Variants in ANKRD13D observed in about 807,000 individuals in gnomAD.
The protein encoded by ANKRD13D is ankyrin repeat domain-containing protein 13D.
Under a neutral mutation model 68.8 loss-of-function variants are expected in ANKRD13D, and 24 were observed. The observed-to-expected ratio is 0.35, with a 90% CI of 0.25 to 0.49. The LOEUF (loss-of-function observed/expected upper bound fraction) is 0.49. Among genes scored for constraint, ANKRD13D ranks in the 20% least tolerant of loss-of-function variants. The pLI, the probability that ANKRD13D is intolerant of heterozygous loss-of-function variation, is 0.99. For synonymous variants in ANKRD13D, 331 were observed against 336.1 expected, an observed-to-expected ratio of 0.98 and a Z score of 0.16; for missense variants, 735 against 832.1, an observed-to-expected ratio of 0.88 and a Z score of 1.44.
rs1294957907 is a variant in ANKRD13D, at chr11:67,299,407, T to TCCATTTTGGG, written c.799-122_799-113dup. 8 of 875,078 alleles carry TCCATTTTGGG rather than the reference T, an allele frequency of 9.1e-6. No individual in the cohort carries two copies. Among genetic ancestry groups the TCCATTTTGGG allele is most frequent in the Admixed American group, 2.6e-5 (1 of 38,662 alleles). The allele number at this position is 875,078 out of a possible 1,614,324, so 54.2% of individuals were successfully genotyped here. A position where few individuals can be genotyped will look rare whatever the true frequency, so the allele number is the denominator to read the frequency against. On this transcript the variant is annotated intron_variant, in intron 7 of 14. Coordinates refer to ENST00000511455, the MANE Select transcript of ANKRD13D (RefSeq NM_207354.3). This position sits in a 1 kb window ranked among gnomAD's most constrained non-coding sequence, Gnocchi z 6.2. ...CTGGGGTTCAGACCCTGCCACCTCC[T>TCCATTTTGGG]CCATTTTGGGGAGCAAGATCTCATC...
intron 3 of ANKRD13D, 23 bp downstream of exon 3, chr11:67,290,469 A>G (rs1412153365): frequency 6.4e-7 from 1 of 1,552,860 alleles, no homozygotes; most frequent in East Asian, 2.4e-5. Flanking sequence ...ACAGTTATGG[A>G]GGTGGGGTAC....
Position 67,300,939 on chromosome 11 carries a change from T to C in ANKRD13D, c.1074-51T>C. 2 of 1,603,762 alleles carry C rather than the reference T, an allele frequency of 1.2e-6. No individual in the cohort carries two copies. Among genetic ancestry groups the C allele is most frequent in the South Asian group, 1.1e-5 (1 of 89,942 alleles). On this transcript the variant is annotated intron_variant, in intron 10 of 14. Coordinates refer to ENST00000511455, the MANE Select transcript of ANKRD13D (RefSeq NM_207354.3). The surrounding 1 kb of genome is among the most constrained non-coding windows in gnomAD (Gnocchi z 4.3). ...CCACGAACCAGAGGGCAGTCCTCAA[T>C]GGAAGGGCCACCAGCCGTGCCTCAC... is the stretch of plus-strand genomic sequence containing the variant.
intron 6 of ANKRD13D, among the ~76,000 whole-genome samples, chr11:67,295,620 C>T (rs1271023262): frequency 1.3e-5 from 2 of 151,928 alleles, no homozygotes; most frequent in African/African-American, 2.4e-5. Flanking sequence ...CCTGTAGTCC[C>T]AGCTGCTTGG....
chr11:67,301,383 G>A lies in ANKRD13D; in HGVS notation c.1333G>A (p.Ala445Thr). 6.2e-7 allele frequency: 1 copy of A among 1,612,350 alleles called. No homozygotes were observed. The highest frequency in any genetic ancestry group is 8.5e-7 in the Non-Finnish European group (1 of 1,179,246). Residue 445 changes from alanine to threonine, a missense_variant, in exon 12 of 15, where the codon GCT becomes ACT. Physicochemically the swap from Ala to Thr is moderately conservative, Grantham distance 58. Transcript: ENST00000511455. This position sits in a 1 kb window ranked among gnomAD's most constrained non-coding sequence, Gnocchi z 4.5. Reference sequence around the variant, plus strand: ...CGTGTGGGTGCCGGCCCCCAGCTCTGCTGTTGCCGCATCAGGTACCCCAAC... The same window carrying A: ...CGTGTGGGTGCCGGCCCCCAGCTCTACTGTTGCCGCATCAGGTACCCCAAC... ...SSVWVPAPSSAVAASGNPFPC... is the reference protein window; with the variant it reads ...SSVWVPAPSSTVAASGNPFPC...
rs1000210030 is a variant in ANKRD13D at position 67,290,219 on chromosome 11, G to T, written c.226+6G>T. ...GAACCGCCAGGGCTGGGCAGGTACT[G>T]CAGAGGACAAGGGGCTCCCCCTGAG... On this transcript the variant is annotated splice_donor_region_variant and intron_variant, in intron 2 of 14. Coordinates refer to ENST00000511455, the MANE Select transcript of ANKRD13D (RefSeq NM_207354.3). The T allele has an allele frequency of 6.5e-6, 10 of 1,540,960 alleles. No homozygotes were observed. The African/African-American group carries it at 1.4e-4, about 21-fold the overall frequency.
rs763617829 is a variant in ANKRD13D, at chr11:67,299,503, CA to C, written c.799-26del. The C allele has an allele frequency of 6.5e-7, 1 of 1,544,148 alleles. No individual in the cohort carries two copies. Among genetic ancestry groups the C allele is most frequent in the South Asian group, 1.2e-5 (1 of 83,764 alleles). ...GTGTGGGGAGCAGGCTCTGAGCCCC[CA>C]GCTCCCCGTGTCCCCTGCTCCCCAG... On this transcript the variant is annotated intron_variant, in intron 7 of 14. Coordinates refer to ENST00000511455, the MANE Select transcript of ANKRD13D (RefSeq NM_207354.3). This position sits in a 1 kb window ranked among gnomAD's most constrained non-coding sequence, Gnocchi z 6.2.
At chr11:67,295,394 G>A (rs1860721375) in intron 6 of ANKRD13D, among the ~76,000 whole-genome samples, 1 of 151,538 alleles carries the variant, frequency 6.6e-6, no homozygotes, top group Non-Finnish European at 1.5e-5. Context: ...TCCAGCCTGG[G>A]CGACAGACCA....
In ANKRD13D at chr11:67,300,291, G is replaced by C; in HGVS notation, c.1073+168G>C. On this transcript the variant is annotated intron_variant, in intron 10 of 14. Coordinates refer to ENST00000511455, the MANE Select transcript of ANKRD13D (RefSeq NM_207354.3). This position sits in a 1 kb window ranked among gnomAD's most constrained non-coding sequence, Gnocchi z 4.3. Reference sequence around the variant, plus strand: ...CCTTATCCATGGTCCTCAGCCCTTAGCAAGGGGCTTGGCACAGAAAACCGG... The same window carrying C: ...CCTTATCCATGGTCCTCAGCCCTTACCAAGGGGCTTGGCACAGAAAACCGG... 1 of 948,278 alleles carries C rather than the reference G, an allele frequency of 1.1e-6. No homozygotes were observed. Among genetic ancestry groups the C allele is most frequent in the Non-Finnish European group, 1.5e-6 (1 of 660,384 alleles). 58.7% of individuals were successfully genotyped at this position (948,278 alleles called of 1,614,324 possible).
chr11:67,299,292 C>A lies in ANKRD13D; in HGVS notation c.798+168C>A. 1 of 801,228 alleles carries A rather than the reference C, an allele frequency of 1.2e-6. No individual in the cohort carries two copies. Among genetic ancestry groups the A allele is most frequent in the Non-Finnish European group, 2.0e-6 (1 of 499,586 alleles). 49.6% of individuals were successfully genotyped at this position (801,228 alleles called of 1,614,324 possible). A position where few individuals can be genotyped will look rare whatever the true frequency, so the allele number is the denominator to read the frequency against. ...CCCTGCGGAGTACACAGGGCTCACCCACATCATGGGCCCCTACCCAGGGTA... is the reference window on the plus strand; with the variant it reads ...CCCTGCGGAGTACACAGGGCTCACCAACATCATGGGCCCCTACCCAGGGTA... On this transcript the variant is annotated intron_variant, in intron 7 of 14. Coordinates refer to ENST00000511455, the MANE Select transcript of ANKRD13D (RefSeq NM_207354.3). This position sits in a 1 kb window ranked among gnomAD's most constrained non-coding sequence, Gnocchi z 6.2.
At position 67,294,749 on chromosome 11, in the gene ANKRD13D, C is replaced by T. The variant is rs1860699588; in HGVS notation, c.731+2569C>T. Among the ~76,000 whole-genome samples, 3 of 152,074 alleles carry T rather than the reference C, an allele frequency of 2.0e-5. No individual in the cohort carries two copies. The South Asian group carries it at 6.2e-4, about 32-fold the overall frequency. On this transcript the variant is annotated intron_variant, in intron 6 of 14. Coordinates refer to ENST00000511455, the MANE Select transcript of ANKRD13D (RefSeq NM_207354.3). Reference sequence around the variant, plus strand: ...GAGACAGGATTTCACCATGTCGGACCAGGCTGGTCTCCAACTCCTGACCTT... The same window carrying T: ...GAGACAGGATTTCACCATGTCGGACTAGGCTGGTCTCCAACTCCTGACCTT...
chr11:67,297,403 C>T (rs1221292407), intron 6 of ANKRD13D, among the ~76,000 whole-genome samples: 6 of 152,192 alleles, frequency 3.9e-5, no homozygotes, highest in Non-Finnish European at 8.8e-5. Context: ...CCATGTTGCA[C>T]AGGCTGGTCT....
rs1860983710 is a variant in ANKRD13D at position 67,301,418 on chromosome 11, A to T, written c.1348+20A>T. 1.9e-6 allele frequency: 3 copies of T among 1,608,722 alleles called. No homozygotes were observed. Among genetic ancestry groups the T allele is most frequent in the Middle Eastern group, 1.7e-4 (1 of 6,042 alleles). On this transcript the variant is annotated intron_variant, in intron 12 of 14. Transcript: ENST00000511455. This position sits in a 1 kb window ranked among gnomAD's most constrained non-coding sequence, Gnocchi z 4.5. ...CATCAGGTACCCCAACGGGAGGAAG[A>T]GGGAGCCTGCACAGCTTTCTGGTCA... is the stretch of plus-strand genomic sequence containing the variant.
At position 67,302,246 on chromosome 11, in the gene ANKRD13D, C is replaced by T. The variant is rs779499847; in HGVS notation, c.1732C>T (p.Arg578Trp). ...GCGCCTGGCCCTGGAGTTGTCTTCA[C>T]GGGAGCAGGAGGAGCGGGAGCGGCG... ...QLRLALELSS[R>W]EQEERERRGQ... The change falls in exon 15 of 15, where the codon CGG becomes TGG. Residue 578 changes from arginine (R) to tryptophan (W), a missense_variant. Physicochemically the swap from Arg to Trp is moderately radical, Grantham distance 101. Transcript: ENST00000511455. 8.8e-5 allele frequency: 138 copies of T among 1,574,082 alleles called. No homozygotes were observed. The highest frequency in any genetic ancestry group is 1.1e-4 in the Non-Finnish European group (131 of 1,159,582).
rs1362284260 is a variant in ANKRD13D, at chr11:67,290,457, G to A, written c.351+11G>A. On this transcript the variant is annotated intron_variant, in intron 3 of 14. Transcript: ENST00000511455. ...AACAAACTTCGCCAGGTACAGCAGG[G>A]CACAGTTATGGAGGTGGGGTACCAT... The A allele has an allele frequency of 1.3e-6, 2 of 1,567,106 alleles. No individual in the cohort carries two copies. Among genetic ancestry groups the A allele is most frequent in the African/African-American group, 1.3e-5 (1 of 74,220 alleles).
At chr11:67,291,179 GA>G (rs1860524495) in intron 3 of ANKRD13D, 1 of 369,644 alleles carries the variant, frequency 2.7e-6, no homozygotes, top group African/African-American at 2.1e-5. Context: ...GCAACATGGT[GA>G]AAGCCGTCTC....
Position 67,301,424 on chromosome 11 carries a change from C to A in ANKRD13D, c.1348+26C>A. On this transcript the variant is annotated intron_variant, in intron 12 of 14. Coordinates refer to ENST00000511455, the MANE Select transcript of ANKRD13D (RefSeq NM_207354.3). The surrounding 1 kb of genome is among the most constrained non-coding windows in gnomAD (Gnocchi z 4.5). ...GTACCCCAACGGGAGGAAGAGGGAG[C>A]CTGCACAGCTTTCTGGTCACCAAGC... 6.2e-7 allele frequency: 1 copy of A among 1,607,408 alleles called. No individual in the cohort carries two copies.
chr11:67,298,896 T>A, intron 6 of ANKRD13D, 162 bp from the exon 7 acceptor site: 1 of 695,966 alleles, frequency 1.4e-6, no homozygotes, highest in Non-Finnish European at 2.6e-6. Flanking sequence ...TGTCCCCCCC[T>A]GTCCAGGCAC....
intron 3 of ANKRD13D, 101 bp from the exon 4 acceptor site, chr11:67,291,375 A>T: frequency 7.6e-6 from 8 of 1,046,836 alleles, no homozygotes; most frequent in East Asian, 2.7e-5. Flanking sequence ...AAAAAAAAAA[A>T]GACCTGATGA....
chr11:67,296,575 TTTCA>T (rs1416345612), intron 6 of ANKRD13D, among the ~76,000 whole-genome samples: 2 of 152,220 alleles, frequency 1.3e-5, no homozygotes, highest in Non-Finnish European at 2.9e-5. Flanking sequence ...TGCTCCCCTC[TTTCA>T]TTTCTGATTC....
Sources: gnomAD v4.1 joint callset for allele counts (sites outside exome capture counted in the v4.1 genomes callset) on GRCh38, gnomAD v4.1.1 for gene constraint, Gnocchi (gnomAD v3.1) non-coding constraint, MANE v1.5 for transcripts, NCBI Gene and HGNC (gene_info 2026-07-23, HGNC 2026-07-21) for gene names.